Variants in NUP50 observed in about 807,000 individuals in gnomAD.
The protein encoded by NUP50 is nuclear pore complex protein Nup50.
Under a neutral mutation model 36.8 loss-of-function variants are expected in NUP50, and 14 were observed. The observed-to-expected ratio is 0.38, with a 90% CI of 0.25 to 0.59. The LOEUF (loss-of-function observed/expected upper bound fraction) is 0.59. Ranked by LOEUF, NUP50 falls within the 20% of genes least tolerant of loss-of-function variation. The pLI is 0.63. For synonymous variants in NUP50, 195 were observed against 210.8 expected (o/e 0.93, Z 0.65); for missense variants, 455 against 564.6 (o/e 0.81, Z 1.97).
chr22:45,166,393 T>C (rs2074095921), intron 1 of NUP50: 1 of 151,112 alleles, frequency 6.6e-6, no homozygotes, highest in South Asian at 2.1e-4. Context: ...GTTCAAGAGA[T>C]TCTCCTGCCT....
rs1423359190 is a variant in NUP50, at chr22:45,184,505, A to G, written c.1257A>G (p.Thr419=). 1 of 1,613,844 alleles carries G rather than the reference A, an allele frequency of 6.2e-7. No individual in the cohort carries two copies. The highest frequency in any genetic ancestry group is 1.3e-5 in the African/African-American group (1 of 74,926). Residue 419 remains threonine (T), a synonymous_variant, in exon 8 of 8, where the codon ACA becomes ACG. Coordinates refer to ENST00000347635, the MANE Select transcript of NUP50 (RefSeq NM_007172.4). The part of the protein sequence containing the change: ...LIPPNMPCTR[T]GKNNVLIVCV... ...CACCCAATATGCCATGTACGCGAAC[A>G]GGGAAGAATAACGTTCTTATCGTCT...
chr22:45,178,228 C>T lies in NUP50; in HGVS notation c.341-10C>T, dbSNP rs1332644478. ...GCTAAATAAATGGTTCAATTATTAA[C>T]TTTCTATAGGTTCTCTTGCTGCAAA... is the stretch of plus-strand genomic sequence containing the variant. On this transcript the variant is annotated splice_polypyrimidine_tract_variant and intron_variant, in intron 4 of 7. Coordinates refer to ENST00000347635, the MANE Select transcript of NUP50 (RefSeq NM_007172.4). The T allele has an allele frequency of 6.2e-7, 1 of 1,603,636 alleles. No individual in the cohort carries two copies. Among genetic ancestry groups the T allele is most frequent in the Non-Finnish European group, 8.5e-7 (1 of 1,174,974 alleles).
At chr22:45,182,049 C>G (rs2074381517) in intron 6 of NUP50, among the ~76,000 whole-genome samples, 1 of 152,074 alleles carries the variant, frequency 6.6e-6, no homozygotes, top group Admixed American at 6.5e-5. Context: ...GTTTCAAGAA[C>G]TTTTAAAAGA....
At chr22:45,175,239 T>G in intron 3 of NUP50, among the ~76,000 whole-genome samples, 1 of 152,114 alleles carries the variant, frequency 6.6e-6, no homozygotes, top group Non-Finnish European at 1.5e-5. Flanking sequence ...CATCTTAGGT[T>G]AGAGATGTGA....
At chr22:45,176,701 G>A (rs1459333001) in intron 4 of NUP50, among the ~76,000 whole-genome samples, 1 of 152,154 alleles carries the variant, frequency 6.6e-6, no homozygotes, top group East Asian at 1.9e-4. Context: ...TTGGCAGAAT[G>A]TTTAGTGTGA....
chr22:45,180,586 C>G (rs747900483), intron 5 of NUP50, among the ~76,000 whole-genome samples: 4 of 152,102 alleles, frequency 2.6e-5, no homozygotes, highest in Non-Finnish European at 5.9e-5. Context: ...CCATGTTGAC[C>G]AGACTGGTGT....
At chr22:45,178,955 G>T in intron 5 of NUP50, 55 bp downstream of exon 5, 1 of 1,515,508 alleles carries the variant, frequency 6.6e-7, no homozygotes, top group Non-Finnish European at 8.9e-7. Flanking sequence ...TTGTTTCTTG[G>T]GAAACCCAGA....
chr22:45,178,290 C>T lies in NUP50; in HGVS notation c.393C>T (p.Pro131=), dbSNP rs755657760. ...CCTTGGTTGATAAAGTTTCAAATCC[C>T]AAAACTAATGGGGACAGTCAGCAGC... ...PTTLVDKVSN[P]KTNGDSQQPS... The change falls in exon 5 of 8, where the codon CCC becomes CCT. Residue 131 remains proline, a synonymous_variant. Transcript: ENST00000347635. The T allele has an allele frequency of 1.9e-6, 3 of 1,613,940 alleles. No homozygotes were observed. Among genetic ancestry groups the T allele is most frequent in the Non-Finnish European group, 2.5e-6 (3 of 1,179,872 alleles).
chr22:45,170,913 G>A (rs547627995), intron 2 of NUP50: 4 of 1,179,996 alleles, frequency 3.4e-6, no homozygotes, highest in African/African-American at 1.6e-5. Context: ...GTAGGAGCCC[G>A]TTAAGTTTAA....
At chr22:45,183,036 G>A (rs767627557) in intron 6 of NUP50, among the ~76,000 whole-genome samples, 3 of 145,886 alleles carry the variant, frequency 2.1e-5, no homozygotes, top group Non-Finnish European at 3.0e-5. Context: ...GGACCAGATC[G>A]GCGATCTTGA....
intron 2 of NUP50, chr22:45,171,315 TCAGC>T (rs1447364447): frequency 3.5e-6 from 2 of 576,374 alleles, no homozygotes; most frequent in Non-Finnish European, 5.1e-6. Context: ...TTCTCCTGCC[TCAGC>T]CTCCCAGGTG....
At chr22:45,180,855 A>T (rs572893278) in intron 5 of NUP50, among the ~76,000 whole-genome samples, 80 of 150,924 alleles carry the variant, frequency 5.3e-4, no homozygotes, top group African/African-American at 1.9e-3. Flanking sequence ...AAAAAAAAAA[A>T]GTATTTTTCT....
intron 4 of NUP50, chr22:45,177,664 CAGAT>C (rs1156452089): frequency 6.5e-6 from 1 of 153,134 alleles, no homozygotes; most frequent in African/African-American, 2.4e-5. Flanking sequence ...GATCACATCT[CAGAT>C]AGGCGTCCTT....
At chr22:45,178,177 A>T (rs1416410800) in intron 4 of NUP50, 61 bp from the exon 5 acceptor site, 1 of 1,503,662 alleles carries the variant, frequency 6.7e-7, no homozygotes, top group African/African-American at 1.4e-5. Context: ...AGTGGCAAAA[A>T]AATCTAGATG....
intron 2 of NUP50, among the ~76,000 whole-genome samples, chr22:45,169,534 T>G (rs553935550): frequency 6.6e-6 from 1 of 152,344 alleles, no homozygotes; most frequent in East Asian, 1.9e-4. Context: ...ATCACGGGCA[T>G]TATCAATCAT....
chr22:45,164,434 G>A (rs1330238952), intron 1 of NUP50, 138 bp downstream of exon 1: 1 of 153,168 alleles, frequency 6.5e-6, no homozygotes, highest in African/African-American at 2.4e-5. Flanking sequence ...CTGGACCCTG[G>A]GGAGGGAGGT....
Position 45,176,080 on chromosome 22 carries a change from G to A in NUP50, c.340G>A (p.Gly114Ser). Residue 114 changes from glycine (G) to serine (S), a missense_variant and splice_region_variant, in exon 4 of 8, where the codon GGT becomes AGT. By Grantham distance (56) the Gly-to-Ser change is moderately conservative. This residue lies in a region of NUP50 where 166 missense variants were observed against 202.8 expected (regional missense o/e 0.82). Transcript: ENST00000347635. ...KAAADPKVAF[G>S]SLAANGPTTL... ...AGCGGCAGATCCCAAGGTAGCCTTT[G>A]GTAAGTAGCTCCCATCCCCCAGCCG... The A allele has an allele frequency of 6.2e-7, 1 of 1,612,614 alleles. No homozygotes were observed. Among genetic ancestry groups the A allele is most frequent in the Non-Finnish European group, 8.5e-7 (1 of 1,178,920 alleles).
intron 1 of NUP50, 102 bp from the exon 2 acceptor site, chr22:45,168,066 A>G (rs2074123002): frequency 1.2e-6 from 1 of 836,764 alleles, no homozygotes; most frequent in Non-Finnish European, 1.9e-6. Context: ...TAAAAAAACC[A>G]GAGATGTTTT....
intron 7 of NUP50, 71 bp downstream of exon 7, chr22:45,183,591 C>T (rs748361021): frequency 2.1e-6 from 2 of 958,540 alleles, no homozygotes; most frequent in Admixed American, 1.7e-5. Context: ...CCTGCTGACT[C>T]AAGGTTATTA....
Sources: gnomAD v4.1 joint callset for allele counts (sites outside exome capture counted in the v4.1 genomes callset) on GRCh38, gnomAD v4.1.1 for gene constraint, gnomAD v4.1.1 regional missense constraint, MANE v1.5 for transcripts, NCBI Gene and HGNC (gene_info 2026-07-23, HGNC 2026-07-21) for gene names.